GPC6: variants seen among roughly 807,000 people sequenced by gnomAD.
GPC6 encodes glypican 6.
GPC6 carries 14 observed loss-of-function variants against 55.2 expected under a neutral mutation model. The ratio of observed to expected loss-of-function variants is 0.25; its 90% CI spans 0.17 to 0.40. GPC6 has a LOEUF of 0.40. Ranked by LOEUF, GPC6 falls within the 10% of genes least tolerant of loss-of-function variation. The pLI is 1.00. For synonymous variants in GPC6, 278 were observed against 259.6 expected, an observed-to-expected ratio of 1.07 and a Z score of -0.68; for missense variants, 641 against 708.5, an observed-to-expected ratio of 0.90 and a Z score of 1.08.
chr13:93,401,305 G>A (rs1048828658), intron 1 of GPC6, among the ~76,000 whole-genome samples: 2 of 151,996 alleles, frequency 1.3e-5, no homozygotes, highest in Non-Finnish European at 2.9e-5. Context: ...CCACAGTGAG[G>A]ACAGTCAACA....
chr13:93,613,338 G>T (rs1266016217), intron 2 of GPC6, among the ~76,000 whole-genome samples: 1 of 152,128 alleles, frequency 6.6e-6, no homozygotes, highest in Non-Finnish European at 1.5e-5. Context: ...GGATTATTAG[G>T]ACTAAAGGTG....
chr13:94,188,671 C>G (rs1366609603), intron 4 of GPC6, among the ~76,000 whole-genome samples: 1 of 152,104 alleles, frequency 6.6e-6, no homozygotes, highest in Non-Finnish European at 1.5e-5. Flanking sequence ...TATATCCATC[C>G]CCCACCCTCC....
chr13:93,690,371 C>G (rs1017405046), intron 2 of GPC6, among the ~76,000 whole-genome samples: 3 of 151,952 alleles, frequency 2.0e-5, no homozygotes, highest in African/African-American at 4.8e-5. Flanking sequence ...GTTAGAAAGT[C>G]TAGGACCATG....
At chr13:94,121,233 A>G (rs908573445) in intron 4 of GPC6, among the ~76,000 whole-genome samples, 5 of 152,080 alleles carry the variant, frequency 3.3e-5, no homozygotes, top group African/African-American at 9.7e-5. Flanking sequence ...TTCCATTGTA[A>G]TGACTGCTTA....
At chr13:94,389,795 C>A (rs1421613731) in intron 7 of GPC6, among the ~76,000 whole-genome samples, 1 of 152,188 alleles carries the variant, frequency 6.6e-6, no homozygotes, top group African/African-American at 2.4e-5. Context: ...AGACTCCTCC[C>A]TCTCCCCCAT....
intron 1 of GPC6, among the ~76,000 whole-genome samples, chr13:93,279,735 C>T (rs1451102428): frequency 6.6e-6 from 1 of 152,144 alleles, no homozygotes; most frequent in East Asian, 1.9e-4. Context: ...TATAACTCTA[C>T]TTACTAGTGT....
In GPC6 at chr13:93,892,412, G is replaced by A. The variant is rs190166914; in HGVS notation, c.711+61867G>A. ...AAATACTATTCAGTGAGCTCATATG[G>A]ATTTAATAATCAGGAAAGAAGTAGA... On this transcript the variant is annotated intron_variant, in intron 3 of 8. Transcript: ENST00000377047. 3.3e-5 allele frequency among the ~76,000 whole-genome samples: 5 copies of A among 152,256 alleles called. No individual in the cohort carries two copies. In the East Asian group the frequency reaches 9.7e-4, roughly 29 times the overall value.
At chr13:94,067,687 A>G (rs1594709617) in intron 4 of GPC6, among the ~76,000 whole-genome samples, 2 of 152,222 alleles carry the variant, frequency 1.3e-5, no homozygotes, top group East Asian at 3.8e-4. Context: ...GTATCCATAT[A>G]TTCTGGCAAT....
intron 6 of GPC6, among the ~76,000 whole-genome samples, chr13:94,339,998 G>A (rs1222708025): frequency 6.6e-6 from 1 of 151,758 alleles, no homozygotes; most frequent in East Asian, 1.9e-4. Context: ...CCCGATCTCA[G>A]GTGATCCACC....
intron 2 of GPC6, among the ~76,000 whole-genome samples, chr13:93,822,016 A>G (rs563549562): frequency 1.2e-5 from 1 of 82,362 alleles, no homozygotes; most frequent in East Asian, 5.5e-4. Flanking sequence ...ATATGTATAT[A>G]CATATATACA....
intron 1 of GPC6, among the ~76,000 whole-genome samples, chr13:93,291,411 A>G (rs556574613): frequency 7.7e-4 from 117 of 152,284 alleles, no homozygotes; most frequent in Admixed American, 2.2e-3. Flanking sequence ...TGTATCGTAG[A>G]CACTGCTACT....
At chr13:93,398,192 C>A (rs954530896) in intron 1 of GPC6, among the ~76,000 whole-genome samples, 1 of 152,176 alleles carries the variant, frequency 6.6e-6, no homozygotes, top group African/African-American at 2.4e-5. Context: ...GAACCACCCA[C>A]AAGAAAGACC....
At chr13:93,469,579 A>G (rs1183516693) in intron 1 of GPC6, among the ~76,000 whole-genome samples, 1 of 152,134 alleles carries the variant, frequency 6.6e-6, no homozygotes, top group Non-Finnish European at 1.5e-5. Flanking sequence ...TGAAACGACC[A>G]TGGTTGCAAT....
intron 1 of GPC6, among the ~76,000 whole-genome samples, chr13:93,505,899 C>T (rs1174562261): frequency 6.6e-6 from 1 of 152,172 alleles, no homozygotes; most frequent in Non-Finnish European, 1.5e-5. Flanking sequence ...ATTTGCAAAA[C>T]AGGACCTGCA....
chr13:93,792,845 C>T (rs998675665), intron 2 of GPC6, among the ~76,000 whole-genome samples: 1 of 152,124 alleles, frequency 6.6e-6, no homozygotes, highest in African/African-American at 2.4e-5. Flanking sequence ...ACAGGCTGAA[C>T]TATTGGGGAA....
At chr13:93,265,980 A>G (rs1337282458) in intron 1 of GPC6, among the ~76,000 whole-genome samples, 1 of 152,002 alleles carries the variant, frequency 6.6e-6, no homozygotes, top group African/African-American at 2.4e-5. Flanking sequence ...ATATAACAGA[A>G]ATTGGCAAAT....
At chr13:94,309,953 G>A (rs894422433) in intron 6 of GPC6, among the ~76,000 whole-genome samples, 15 of 152,156 alleles carry the variant, frequency 9.9e-5, no homozygotes, top group African/African-American at 3.6e-4. Flanking sequence ...ATTCTTAAAT[G>A]TGTACTCTGC....
intron 2 of GPC6, among the ~76,000 whole-genome samples, chr13:93,632,269 G>A (rs908905445): frequency 6.6e-6 from 1 of 152,114 alleles, no homozygotes; most frequent in Non-Finnish European, 1.5e-5. Context: ...CAGTGGGTAT[G>A]TGAGAGTTGC....
intron 2 of GPC6, among the ~76,000 whole-genome samples, chr13:93,597,623 T>C (rs527915701): frequency 2.6e-3 from 397 of 152,264 alleles, no homozygotes; most frequent in Non-Finnish European, 4.7e-3. Flanking sequence ...TCTTCTTGCC[T>C]CTCCTTAGCC....
Sources: gnomAD v4.1 joint callset for allele counts (sites outside exome capture counted in the v4.1 genomes callset) on GRCh38, gnomAD v4.1.1 for gene constraint, MANE v1.5 for transcripts, NCBI Gene and HGNC (gene_info 2026-07-23, HGNC 2026-07-21) for gene names.